SLC9A9: variants seen among roughly 807,000 people sequenced by gnomAD.
The protein encoded by SLC9A9 is solute carrier family 9 member A9, also known as sodium/hydrogen exchanger 9.
In SLC9A9, 62 loss-of-function variants were observed where a neutral mutation model predicts 77.8. The observed-to-expected ratio is 0.80, with a 90% confidence interval of 0.65 to 0.98. SLC9A9 has a LOEUF of 0.98. Ranked by LOEUF, SLC9A9 falls within the 50% of genes least tolerant of loss-of-function variation. SLC9A9 has a pLI of 0.00. For synonymous variants in SLC9A9, 320 were observed against 283.5 expected, an observed-to-expected ratio of 1.13 and a Z score of -1.29; for missense variants, 775 against 774.9, an observed-to-expected ratio of 1.00 and a Z score of 0.00.
rs370472571 is a variant in SLC9A9, at chr3:143,484,505, G to A, written c.1315+9148C>T. 2.0e-5 allele frequency among the ~76,000 whole-genome samples: 3 copies of A among 152,204 alleles called. No individual in the cohort carries two copies. The East Asian group carries it at 5.8e-4, about 29-fold the overall frequency. ...TTTGAAGAGAAATACCACCCTGCGT[G>A]TGATGACCTCACCTGATTCATCACC... On this transcript the variant is annotated intron_variant, in intron 11 of 15. Coordinates refer to ENST00000316549, the MANE Select transcript of SLC9A9 (RefSeq NM_173653.4).
At chr3:143,466,531 G>A (rs982065464) in intron 12 of SLC9A9, among the ~76,000 whole-genome samples, 1 of 152,186 alleles carries the variant, frequency 6.6e-6, no homozygotes, top group African/African-American at 2.4e-5. Flanking sequence ...TGTCTAACTT[G>A]TGTCTATAGC....
intron 6 of SLC9A9, among the ~76,000 whole-genome samples, chr3:143,583,020 G>A (rs2108668625): frequency 6.6e-6 from 1 of 152,202 alleles, no homozygotes; most frequent in East Asian, 1.9e-4. Flanking sequence ...GGGTGTGATG[G>A]TACTTGCCTG....
At chr3:143,434,799 C>A (rs1195601356) in intron 12 of SLC9A9, among the ~76,000 whole-genome samples, 1 of 152,146 alleles carries the variant, frequency 6.6e-6, no homozygotes, top group East Asian at 1.9e-4. Context: ...AATCCCTCAG[C>A]CTAGTCCCCA....
chr3:143,285,975 G>A lies in SLC9A9; in HGVS notation c.1605-16995C>T, dbSNP rs967310874. Among the ~76,000 whole-genome samples the A allele has an allele frequency of 1.1e-4, 16 of 152,156 alleles. 1 individual carries two copies. The highest frequency in any genetic ancestry group is 9.2e-4 in the Admixed American group (14 of 15,284). On this transcript the variant is annotated intron_variant, in intron 14 of 15. Transcript: ENST00000316549. ...TGAGCATTTTAGTAATTAGAATACA[G>A]TTGAGGAAGTATGGGATGTGGTTTA...
chr3:143,354,232 G>C (rs16853472), intron 14 of SLC9A9, among the ~76,000 whole-genome samples: 9,276 of 152,210 alleles, frequency 0.061, 429 homozygotes, highest in East Asian at 0.17. Context: ...TTACGAAATC[G>C]CTGTTCCTCC....
intron 6 of SLC9A9, among the ~76,000 whole-genome samples, chr3:143,586,324 C>T (rs1040124754): frequency 6.6e-6 from 1 of 152,232 alleles, no homozygotes; most frequent in Non-Finnish European, 1.5e-5. Context: ...AAAAGATCCA[C>T]AAGATCATCA....
chr3:143,307,776 C>G (rs1321424872), intron 14 of SLC9A9, among the ~76,000 whole-genome samples: 1 of 152,150 alleles, frequency 6.6e-6, no homozygotes, highest in African/African-American at 2.4e-5. Flanking sequence ...GTGAGCCCTG[C>G]CTTTAAGGAC....
At chr3:143,507,268 C>T (rs562956710) in intron 9 of SLC9A9, among the ~76,000 whole-genome samples, 19 of 151,964 alleles carry the variant, frequency 1.3e-4, no homozygotes, top group African/African-American at 3.6e-4. Flanking sequence ...AGTGCAGTGG[C>T]GCGATCTCTG....
At chr3:143,384,686 C>A (rs1358810829) in intron 12 of SLC9A9, among the ~76,000 whole-genome samples, 1 of 152,050 alleles carries the variant, frequency 6.6e-6, no homozygotes, top group East Asian at 1.9e-4. Context: ...ATCTCAGAGA[C>A]CTGACTGGGA....
At chr3:143,361,145 T>C (rs1055935307) in intron 14 of SLC9A9, among the ~76,000 whole-genome samples, 1 of 152,264 alleles carries the variant, frequency 6.6e-6, no homozygotes, top group African/African-American at 2.4e-5. Flanking sequence ...ATGTATATGA[T>C]ATGTAAAGTA....
chr3:143,717,598 T>C (rs1194038179), intron 4 of SLC9A9, among the ~76,000 whole-genome samples: 1 of 152,220 alleles, frequency 6.6e-6, no homozygotes, highest in African/African-American at 2.4e-5. Flanking sequence ...CTGCCTCCTT[T>C]TGATGGGGAC....
intron 13 of SLC9A9, among the ~76,000 whole-genome samples, chr3:143,376,635 G>C (rs1446059616): frequency 1.3e-5 from 2 of 152,044 alleles, no homozygotes; most frequent in Non-Finnish European, 2.9e-5. Context: ...ACATGTACTT[G>C]CAGGAACTAC....
intron 13 of SLC9A9, among the ~76,000 whole-genome samples, chr3:143,366,246 A>C (rs941912157): frequency 6.6e-6 from 1 of 152,296 alleles, no homozygotes; most frequent in East Asian, 1.9e-4. Context: ...TGCTAGTCAC[A>C]TTATCCAGCC....
At position 143,268,955 on chromosome 3, in the gene SLC9A9, A is replaced by C; in HGVS notation, c.1630T>G (p.Ser544Ala). The change falls in exon 15 of 16, where the codon TCT (serine) becomes GCT (alanine). Residue 544 changes from serine to alanine, a missense_variant. Ser to Ala is a moderately conservative substitution (Grantham distance 99, BLOSUM62 1). Coordinates refer to ENST00000316549, the MANE Select transcript of SLC9A9 (RefSeq NM_173653.4). ...HKYLKPILTH[S>A]GPPLTTTLPE... Reference sequence around the variant, plus strand: ...AATGTTGTAGTCAGCGGAGGACCAGAGTGGGTTAAAATTGGTTTCAGATAC... The same window carrying C: ...AATGTTGTAGTCAGCGGAGGACCAGCGTGGGTTAAAATTGGTTTCAGATAC... The C allele has an allele frequency of 6.2e-7, 1 of 1,613,564 alleles. No homozygotes were observed. Among genetic ancestry groups the C allele is most frequent in the Non-Finnish European group, 8.5e-7 (1 of 1,179,680 alleles).
chr3:143,497,467 A>T (rs2035855104), intron 9 of SLC9A9, among the ~76,000 whole-genome samples: 1 of 152,186 alleles, frequency 6.6e-6, no homozygotes, highest in African/African-American at 2.4e-5. Context: ...GGGCCCAAGA[A>T]AATTCCATTT....
At chr3:143,627,108 T>C (rs1438494423) in intron 6 of SLC9A9, 1 of 152,264 alleles carries the variant, frequency 6.6e-6, no homozygotes, top group Non-Finnish European at 1.5e-5. Context: ...CCTGACCTTG[T>C]GTTCTGCTCG....
chr3:143,543,849 T>C (rs2036737097), intron 9 of SLC9A9, among the ~76,000 whole-genome samples: 1 of 152,142 alleles, frequency 6.6e-6, no homozygotes, highest in Admixed American at 6.5e-5. Flanking sequence ...CTGCAGAACA[T>C]ATGAATGCAT....
At chr3:143,544,518 GT>G (rs1449750967) in intron 9 of SLC9A9, among the ~76,000 whole-genome samples, 2 of 152,018 alleles carry the variant, frequency 1.3e-5, no homozygotes, top group East Asian at 1.9e-4. Context: ...TTATGGGGTT[GT>G]TTTTTTGCTC....
At chr3:143,406,924 C>T (rs2033992845) in intron 12 of SLC9A9, among the ~76,000 whole-genome samples, 1 of 143,580 alleles carries the variant, frequency 7.0e-6, no homozygotes, top group Non-Finnish European at 1.5e-5. Context: ...TGCAGCGAGC[C>T]AAGGTTGTGC....
Sources: allele counts gnomAD v4.1 joint callset (sites outside exome capture counted in the v4.1 genomes callset), GRCh38; gene constraint gnomAD v4.1.1; transcripts MANE v1.5; gene names NCBI Gene and HGNC (gene_info 2026-07-23, HGNC 2026-07-21).